Variants in PBRM1 observed in about 807,000 individuals in gnomAD.
PBRM1 encodes polybromo 1.
In PBRM1, 27 loss-of-function variants were observed where a neutral mutation model predicts 194.5. The ratio of observed to expected loss-of-function variants is 0.14; its 90% CI spans 0.10 to 0.19. The LOEUF (loss-of-function observed/expected upper bound fraction) is 0.19. PBRM1 is among the 10% of genes least tolerant of loss of function. The pLI is 1.00. For missense variants in PBRM1, 1,466 were observed against 2,077.2 expected (o/e 0.71, Z 5.72); for synonymous variants, 655 against 693.2 (o/e 0.94, Z 0.87).
chr3:52,646,402 T>C (rs986875367), intron 7 of PBRM1, among the ~76,000 whole-genome samples: 1 of 152,218 alleles, frequency 6.6e-6, no homozygotes, highest in African/African-American at 2.4e-5. Context: ...AAGATGGAAT[T>C]TGCAAAGCAA....
intron 17 of PBRM1, among the ~76,000 whole-genome samples, chr3:52,599,040 A>T (rs1242703887): frequency 7.4e-6 from 1 of 135,064 alleles, no homozygotes; most frequent in African/African-American, 2.7e-5. Flanking sequence ...AAAAAAAAAA[A>T]AAATTAGGCA....
intron 13 of PBRM1, among the ~76,000 whole-genome samples, chr3:52,621,945 C>G (rs1171926307): frequency 6.6e-6 from 1 of 152,084 alleles, no homozygotes; most frequent in African/African-American, 2.4e-5. Flanking sequence ...ACACATGAGG[C>G]TGAGGTGGGA....
At chr3:52,584,818 C>CA (rs1033691306) in intron 20 of PBRM1, among the ~76,000 whole-genome samples, 6 of 151,972 alleles carry the variant, frequency 3.9e-5, no homozygotes, top group South Asian at 2.1e-4. Flanking sequence ...TGGCTAATTT[C>CA]AAAAAATATT....
chr3:52,639,545 A>AGCTAC (rs1439408313), intron 10 of PBRM1, among the ~76,000 whole-genome samples: 1 of 151,528 alleles, frequency 6.6e-6, no homozygotes, highest in African/African-American at 2.4e-5. Flanking sequence ...CCTCTGGAGT[A>AGCTAC]GCTACATATG....
At chr3:52,645,957 C>T in intron 7 of PBRM1, among the ~76,000 whole-genome samples, 1 of 152,094 alleles carries the variant, frequency 6.6e-6, no homozygotes, top group Non-Finnish European at 1.5e-5. Context: ...TGTACGCTGA[C>T]CTAAAAATCA....
At chr3:52,625,079 A>G (rs528498657) in intron 13 of PBRM1, 138 bp from the exon 15 acceptor site, 2 of 677,148 alleles carry the variant, frequency 3.0e-6, no homozygotes, top group South Asian at 3.4e-5. Flanking sequence ...AAACATTTCA[A>G]CAAGGAAGAC....
intron 22 of PBRM1, among the ~76,000 whole-genome samples, chr3:52,571,140 T>A (rs963789695): frequency 6.6e-6 from 1 of 151,812 alleles, no homozygotes; most frequent in Admixed American, 6.6e-5. Context: ...CTGGTCAACA[T>A]GGTGAAATGC....
chr3:52,621,622 T>G (rs1318345261), intron 13 of PBRM1, among the ~76,000 whole-genome samples: 2 of 152,236 alleles, frequency 1.3e-5, no homozygotes, highest in African/African-American at 4.8e-5. Context: ...GGCATACAAT[T>G]AAATCACAGG....
intron 2 of PBRM1, 97 bp from the exon 4 acceptor site, chr3:52,668,742 A>C: frequency 1.8e-6 from 1 of 565,688 alleles, no homozygotes; most frequent in East Asian, 3.5e-5. Flanking sequence ...ATTCCAAGTG[A>C]CAGAGCATAT....
chr3:52,563,165 C>T (rs895441396), intron 24 of PBRM1, 118 bp downstream of exon 26: 60 of 614,796 alleles, frequency 9.8e-5, no homozygotes, highest in Admixed American at 4.8e-4. Flanking sequence ...TTCCTTCCTG[C>T]AGAATTCTAA....
At chr3:52,658,308 G>A (rs754615251) in exon 5 of PBRM1, 6 of 1,564,034 alleles carry the variant, frequency 3.8e-6, no homozygotes, top group Non-Finnish European at 3.5e-6. Flanking sequence ...CAAGTAAGCT[G>A]GAGAAGACTG....
chr3:52,614,253 T>C, intron 15 of PBRM1, among the ~76,000 whole-genome samples: 1 of 151,366 alleles, frequency 6.6e-6, no homozygotes, highest in East Asian at 2.0e-4. Flanking sequence ...CGTACATCTG[T>C]AGTCCCATCT....
intron 13 of PBRM1, among the ~76,000 whole-genome samples, chr3:52,626,281 A>C (rs2095443754): frequency 6.6e-6 from 1 of 152,228 alleles, no homozygotes; most frequent in Non-Finnish European, 1.5e-5. Flanking sequence ...CTCACATCTC[A>C]GGGTATACTG....
intron 17 of PBRM1, among the ~76,000 whole-genome samples, chr3:52,599,689 G>A (rs558692588): frequency 4.8e-4 from 72 of 151,330 alleles, no homozygotes; most frequent in Non-Finnish European, 5.3e-4. Flanking sequence ...TTAACCAAGC[G>A]TGGTGATGGG....
upstream of PBRM1, among the ~76,000 whole-genome samples, chr3:52,683,287 T>C (rs1261813309): frequency 3.3e-5 from 5 of 151,802 alleles, no homozygotes; most frequent in African/African-American, 1.2e-4. Flanking sequence ...AGCATGAGAA[T>C]TGCTTGAACC....
chr3:52,667,924 AT>A (rs2096872821), intron 3 of PBRM1, among the ~76,000 whole-genome samples: 1 of 152,076 alleles, frequency 6.6e-6, no homozygotes, highest in African/African-American at 2.4e-5. Flanking sequence ...AATTCCAGAA[AT>A]ATGAAAATGA....
At chr3:52,674,643 A>AAAAATATAT (rs1193129880) in intron 2 of PBRM1, among the ~76,000 whole-genome samples, 5 of 72,420 alleles carry the variant, frequency 6.9e-5, no homozygotes, top group Admixed American at 2.0e-4. Context: ...AAAAAAAAAA[A>AAAAATATAT]ATATATATAT....
chr3:52,644,741 C>T, exon 8 of PBRM1: 1 of 1,559,918 alleles, frequency 6.4e-7, no homozygotes, highest in Non-Finnish European at 8.8e-7. Context: ...TCATGATGTT[C>T]AATTTCAGCC....
intron 20 of PBRM1, among the ~76,000 whole-genome samples, chr3:52,580,773 G>A (rs751191456): frequency 6.6e-6 from 1 of 152,190 alleles, no homozygotes; most frequent in African/African-American, 2.4e-5. Context: ...GTGAAATGAA[G>A]ATAATGATAG....
Sources: gnomAD v4.1 joint callset for allele counts (sites outside exome capture counted in the v4.1 genomes callset) on GRCh38, gnomAD v4.1.1 for gene constraint, MANE v1.5 for transcripts, NCBI Gene and HGNC (gene_info 2026-07-23, HGNC 2026-07-21) for gene names.